Variants in SOAT1 observed in about 807,000 individuals in gnomAD.
SOAT1 encodes sterol O-acyltransferase 1.
Under a neutral mutation model 69.5 loss-of-function variants are expected in SOAT1, and 55 were observed. That is an observed-to-expected ratio of 0.79 (90% CI 0.64 to 0.99). SOAT1 has a LOEUF of 0.99. SOAT1 is among the 50% of genes least tolerant of loss of function. The pLI is 0.00. For synonymous variants in SOAT1, 231 were observed against 224.7 expected, an observed-to-expected ratio of 1.03 and a Z score of -0.25; for missense variants, 580 against 669.3, an observed-to-expected ratio of 0.87 and a Z score of 1.47.
intron 14 of SOAT1, among the ~76,000 whole-genome samples, chr1:179,350,872 A>G (rs1335759716): frequency 6.6e-6 from 1 of 152,170 alleles, no homozygotes; most frequent in Non-Finnish European, 1.5e-5. Flanking sequence ...TGATTTTAAC[A>G]CTGAAGCTTT....
intron 4 of SOAT1, 129 bp from the exon 5 acceptor site, chr1:179,337,708 C>G: frequency 1.7e-6 from 1 of 576,276 alleles, no homozygotes; most frequent in East Asian, 2.9e-5. Flanking sequence ...ATCTGTAATC[C>G]TAGTAGTGAA....
rs555076143 is a variant in SOAT1, at chr1:179,305,301, C to T, written c.118+2499C>T. Among the ~76,000 whole-genome samples, 4 of 152,184 alleles carry T rather than the reference C, an allele frequency of 2.6e-5. No individual in the cohort carries two copies. In the South Asian group the frequency reaches 6.2e-4, roughly 24 times the overall value. On this transcript the variant is annotated intron_variant, in intron 2 of 15. Coordinates refer to ENST00000367619, the MANE Select transcript of SOAT1 (RefSeq NM_003101.6). Reference sequence around the variant, plus strand: ...TTGCTCTGCTGTCCAGGCTGGAGTGCAGGGGCTATTCACAGGCATGATTAT... The same window carrying T: ...TTGCTCTGCTGTCCAGGCTGGAGTGTAGGGGCTATTCACAGGCATGATTAT...
chr1:179,304,111 A>C (rs1412597569), intron 2 of SOAT1, among the ~76,000 whole-genome samples: 1 of 152,198 alleles, frequency 6.6e-6, no homozygotes, highest in Non-Finnish European at 1.5e-5. Flanking sequence ...AAGAAGTGTA[A>C]CAACCTCTTT....
chr1:179,344,112 C>T (rs1023340166), intron 10 of SOAT1, among the ~76,000 whole-genome samples: 1 of 151,644 alleles, frequency 6.6e-6, no homozygotes, highest in East Asian at 1.9e-4. Flanking sequence ...CAGAGCAAGA[C>T]TCCATCTAAA....
chr1:179,303,058 G>T (rs775361438), intron 2 of SOAT1, among the ~76,000 whole-genome samples: 1 of 152,124 alleles, frequency 6.6e-6, no homozygotes, highest in Non-Finnish European at 1.5e-5. Context: ...GAGGTCCCCC[G>T]CTGGATGCTG....
rs1666927838 is a variant in SOAT1, at chr1:179,356,904, G to A, written c.*3263G>A. On this transcript the variant is annotated 3_prime_UTR_variant, in exon 16 of 16. Coordinates refer to ENST00000367619, the MANE Select transcript of SOAT1 (RefSeq NM_003101.6). The stretch of plus-strand genomic sequence containing the variant: ...GGGTCTCCCTATGTTGCCCAGGCTG[G>A]TCTCAAACTCTTCACCTCAAGCAAA... 6.6e-6 allele frequency: 1 copy of A among 151,126 alleles called. No homozygotes were observed. The highest frequency in any genetic ancestry group is 1.5e-5 in the Non-Finnish European group (1 of 67,882). 9.4% of individuals were successfully genotyped at this position (151,126 alleles called of 1,614,324 possible). A position where few individuals can be genotyped will look rare whatever the true frequency, so the allele number is the denominator to read the frequency against.
rs77272594 is a variant in SOAT1 at position 179,323,811 on chromosome 1, C to A, written c.177+316C>A. Among the ~76,000 whole-genome samples the A allele has an allele frequency of 5.5e-3, 833 of 152,176 alleles. 33 individuals carry two copies. In the East Asian group the frequency reaches 0.11, roughly 20 times the overall value. ...CTTTGTGAAAGTATCTGTCATGATTCATAGTAAATAGCAGCTCTCCAATAA... is the reference window on the plus strand; with the variant it reads ...CTTTGTGAAAGTATCTGTCATGATTAATAGTAAATAGCAGCTCTCCAATAA... On this transcript the variant is annotated intron_variant, in intron 3 of 15. Transcript: ENST00000367619.
At chr1:179,331,847 G>A (rs1665986961) in intron 3 of SOAT1, among the ~76,000 whole-genome samples, 1 of 152,100 alleles carries the variant, frequency 6.6e-6, no homozygotes, top group African/African-American at 2.4e-5. Context: ...AGAAAGGTCA[G>A]GTTTCTGGTA....
chr1:179,313,970 G>A (rs1665308216), intron 2 of SOAT1, among the ~76,000 whole-genome samples: 1 of 152,176 alleles, frequency 6.6e-6, no homozygotes, highest in Non-Finnish European at 1.5e-5. Context: ...TTAGGCCAAA[G>A]CCTATTAAAT....
At chr1:179,334,923 G>A (rs1216071083) in intron 3 of SOAT1, among the ~76,000 whole-genome samples, 1 of 150,074 alleles carries the variant, frequency 6.7e-6, no homozygotes, top group African/African-American at 2.4e-5. Context: ...TCTGAGGCAG[G>A]AGAATCACTT....
chr1:179,338,299 G>T (rs1666224120), intron 5 of SOAT1, among the ~76,000 whole-genome samples: 2 of 152,126 alleles, frequency 1.3e-5, no homozygotes, highest in South Asian at 4.1e-4. Context: ...GAGACAGGAG[G>T]ATCGCTTGAG....
At chr1:179,298,349 A>G (rs917660108) in intron 1 of SOAT1, among the ~76,000 whole-genome samples, 4 of 152,112 alleles carry the variant, frequency 2.6e-5, no homozygotes, top group African/African-American at 7.2e-5. Flanking sequence ...CGGCCTCCCA[A>G]AGTGCTGGGA....
At chr1:179,347,461 A>G (rs1666574019) in intron 11 of SOAT1, 139 bp from the exon 12 acceptor site, 1 of 557,568 alleles carries the variant, frequency 1.8e-6, no homozygotes, top group East Asian at 3.1e-5. Context: ...AAAGTATATC[A>G]TCTCTGGAAT....
At chr1:179,329,309 AG>A (rs1665893543) in intron 3 of SOAT1, among the ~76,000 whole-genome samples, 2 of 152,072 alleles carry the variant, frequency 1.3e-5, no homozygotes, top group Admixed American at 1.3e-4. Flanking sequence ...ATTGCGCTCC[AG>A]CCTGGGAGAC....
At chr1:179,342,830 C>G in intron 8 of SOAT1, 32 bp from the exon 9 acceptor site, 1 of 1,515,852 alleles carries the variant, frequency 6.6e-7, no homozygotes, top group South Asian at 1.1e-5. Flanking sequence ...AATCAAAGAG[C>G]CTTTGCTCTA....
chr1:179,327,507 G>A (rs1232389204), intron 3 of SOAT1, among the ~76,000 whole-genome samples: 2 of 152,162 alleles, frequency 1.3e-5, no homozygotes, highest in African/African-American at 4.8e-5. Context: ...TCCGGCAGCT[G>A]TTTCAGCTCC....
Position 179,357,499 on chromosome 1 carries a change from CA to C in SOAT1, c.*3861del, listed in dbSNP as rs1268744869. ...TATAGGCATGAGCCATGCTCCCGGC[CA>C]AAGTGAATGTTTTGGGTGAAGTTTA... On this transcript the variant is annotated 3_prime_UTR_variant, in exon 16 of 16. Transcript: ENST00000367619. 2.6e-5 allele frequency: 4 copies of C among 152,186 alleles called. No individual in the cohort carries two copies. The highest frequency in any genetic ancestry group is 5.9e-5 in the Non-Finnish European group (4 of 68,066). The allele number at this position is 152,186 out of a possible 1,614,324, so 9.4% of individuals were successfully genotyped here. A position where few individuals can be genotyped will look rare whatever the true frequency, so the allele number is the denominator to read the frequency against.
chr1:179,350,515 G>A (rs1385079144), intron 14 of SOAT1, 84 bp downstream of exon 14: 13 of 1,306,364 alleles, frequency 1.0e-5, no homozygotes, highest in Non-Finnish European at 1.4e-5. Context: ...AATCAATGTA[G>A]GAGAACTAGA....
Position 179,302,694 on chromosome 1 carries a change from G to A in SOAT1, c.10G>A (p.Glu4Lys). Residue 4 changes from glutamate to lysine, a missense_variant, in exon 2 of 16, where the codon GAA becomes AAA. Physicochemically the swap from Glu to Lys is moderately conservative, Grantham distance 56. Transcript: ENST00000367619. Reference protein sequence around the residue: MVGEEKMSLRNRLS... With the variant: MVGKEKMSLRNRLS... ...TTTCCTAGACAATACAATGGTGGGT[G>A]AAGAGAAGATGTCTCTAAGAAACCG... The A allele has an allele frequency of 1.9e-6, 3 of 1,598,448 alleles. No homozygotes were observed. Among genetic ancestry groups the A allele is most frequent in the Non-Finnish European group, 2.6e-6 (3 of 1,175,530 alleles).
Sources: allele counts gnomAD v4.1 joint callset (sites outside exome capture counted in the v4.1 genomes callset), GRCh38; gene constraint gnomAD v4.1.1; transcripts MANE v1.5; gene names NCBI Gene and HGNC (gene_info 2026-07-23, HGNC 2026-07-21).